TXNDC16: variants seen among roughly 807,000 people sequenced by gnomAD.
The protein encoded by TXNDC16 is thioredoxin domain-containing protein 16.
TXNDC16 carries 74 observed loss-of-function variants against 85.6 expected under a neutral mutation model. That is an observed-to-expected ratio of 0.86 (90% CI 0.72 to 1.05). TXNDC16 has a LOEUF of 1.05. Ranked by LOEUF, TXNDC16 falls within the 50% of genes least tolerant of loss-of-function variation. The pLI is 0.00. For missense variants in TXNDC16, 959 were observed against 947.0 expected, an observed-to-expected ratio of 1.01 and a Z score of -0.17; for synonymous variants, 335 against 326.5, an observed-to-expected ratio of 1.03 and a Z score of -0.28.
At chr14:52,456,943 A>T (rs527796515) in intron 17 of TXNDC16, 147 bp downstream of exon 17, 6 of 563,008 alleles carry the variant, frequency 1.1e-5, no homozygotes, top group Non-Finnish European at 1.5e-5. Flanking sequence ...TTTCCCAGGT[A>T]CTTTATTTCC....
intron 8 of TXNDC16, 97 bp downstream of exon 8, chr14:52,514,783 A>T (rs1366078561): frequency 5.9e-6 from 5 of 849,118 alleles, no homozygotes; most frequent in African/African-American, 1.7e-5. Context: ...ATCTAAGCCC[A>T]TGCTGTGGGA....
chr14:52,451,996 G>A (rs1164968512), intron 18 of TXNDC16, among the ~76,000 whole-genome samples: 2 of 152,046 alleles, frequency 1.3e-5, no homozygotes, highest in Admixed American at 1.3e-4. Context: ...AAAGTTGCAA[G>A]ACAAATCAAA....
chr14:52,506,328 A>C (rs2036799072), intron 9 of TXNDC16, among the ~76,000 whole-genome samples: 1 of 152,172 alleles, frequency 6.6e-6, no homozygotes, highest in Non-Finnish European at 1.5e-5. Context: ...ATCCTCAATA[A>C]AATACTGGCA....
At chr14:52,549,771 A>G (rs945742960) in intron 1 of TXNDC16, among the ~76,000 whole-genome samples, 5 of 151,732 alleles carry the variant, frequency 3.3e-5, no homozygotes, top group South Asian at 4.2e-4. Flanking sequence ...CCAAGTAGCT[A>G]GGACTACAGG....
intron 18 of TXNDC16, among the ~76,000 whole-genome samples, chr14:52,449,291 A>G (rs2035354939): frequency 1.3e-5 from 2 of 152,114 alleles, no homozygotes; most frequent in South Asian, 4.1e-4. Flanking sequence ...AAAGAGCAGG[A>G]GTCGTTATAC....
chr14:52,549,622 A>G (rs1436870313), intron 1 of TXNDC16, among the ~76,000 whole-genome samples: 1 of 147,712 alleles, frequency 6.8e-6, no homozygotes, highest in African/African-American at 2.5e-5. Context: ...ATTGACAAAC[A>G]GTTCTGATTT....
Position 52,511,251 on chromosome 14 carries a change from C to G in TXNDC16, c.745G>C (p.Ala249Pro). 6.4e-7 allele frequency: 1 copy of G among 1,569,882 alleles called. No homozygotes were observed. Among genetic ancestry groups the G allele is most frequent in the Non-Finnish European group, 8.7e-7 (1 of 1,154,206 alleles). Residue 249 changes from alanine (A) to proline (P), a missense_variant, in exon 9 of 21, where the codon GCA becomes CCA. Coordinates refer to ENST00000281741, the MANE Select transcript of TXNDC16 (RefSeq NM_020784.3). The stretch of plus-strand genomic sequence containing the variant: ...AATAAGACACATACCAACAGAGGTG[C>G]TTTCATTGTCTTAATAAACAGGTGA... ...NIHLFIKTMKAPLLTEVAEDP... is the reference protein window; with the variant it reads ...NIHLFIKTMKPPLLTEVAEDP...
chr14:52,461,815 G>A (rs2140122001), intron 16 of TXNDC16, among the ~76,000 whole-genome samples: 1 of 152,352 alleles, frequency 6.6e-6, no homozygotes, highest in South Asian at 2.1e-4. Flanking sequence ...GAATCTTGAA[G>A]CTCAAAACCA....
intron 6 of TXNDC16, among the ~76,000 whole-genome samples, chr14:52,530,002 A>C (rs1343334365): frequency 9.6e-6 from 1 of 104,100 alleles, no homozygotes; most frequent in East Asian, 2.9e-4. Context: ...TCATATATAT[A>C]ATATATATTA....
At chr14:52,452,917 A>G (rs1436815677) in intron 18 of TXNDC16, among the ~76,000 whole-genome samples, 1 of 152,180 alleles carries the variant, frequency 6.6e-6, no homozygotes, top group Non-Finnish European at 1.5e-5. Context: ...GGGAGAAAAT[A>G]TCTGCAAACT....
chr14:52,455,447 A>G lies in TXNDC16; in HGVS notation c.1719T>C (p.Ala573=). The stretch of plus-strand genomic sequence containing the variant: ...CAAGCAGCAGGGCTGGAAGACTTGC[A>G]GCATATTTGGTTGACCTATGGAGAA... The part of the protein sequence containing the change: ...EDVLLLSTKY[A]ASLPALLLAR... The change falls in exon 18 of 21, where the codon GCT becomes GCC. Residue 573 remains alanine (A), a synonymous_variant. Coordinates refer to ENST00000281741, the MANE Select transcript of TXNDC16 (RefSeq NM_020784.3). The G allele has an allele frequency of 1.2e-6, 2 of 1,613,990 alleles. No individual in the cohort carries two copies. The highest frequency in any genetic ancestry group is 1.7e-6 in the Non-Finnish European group (2 of 1,179,914).
intron 6 of TXNDC16, among the ~76,000 whole-genome samples, chr14:52,524,392 G>A (rs966135957): frequency 1.3e-5 from 2 of 152,216 alleles, no homozygotes; most frequent in Non-Finnish European, 2.9e-5. Flanking sequence ...GTCACAAGAA[G>A]TAGTACCATA....
intron 9 of TXNDC16, among the ~76,000 whole-genome samples, chr14:52,502,870 C>G (rs1352088815): frequency 6.6e-6 from 1 of 152,194 alleles, no homozygotes. Context: ...TGGGTCACTC[C>G]CACCCTAACA....
At chr14:52,549,563 G>C (rs74050907) in intron 1 of TXNDC16, among the ~76,000 whole-genome samples, 6,952 of 151,780 alleles carry the variant, frequency 0.046, 373 homozygotes, top group East Asian at 0.16. Flanking sequence ...GGTAGCCCTC[G>C]TTAGCTCCAC....
chr14:52,530,311 A>T (rs2037489697), intron 6 of TXNDC16, among the ~76,000 whole-genome samples: 6 of 50,948 alleles, frequency 1.2e-4, no homozygotes, highest in South Asian at 1.9e-3. Flanking sequence ...ATTAATATAT[A>T]ATATATAATT....
At chr14:52,483,955 C>A (rs1042102251) in intron 12 of TXNDC16, among the ~76,000 whole-genome samples, 3 of 152,076 alleles carry the variant, frequency 2.0e-5, no homozygotes, top group African/African-American at 7.2e-5. Flanking sequence ...AGAAGAAAGG[C>A]AGTGGTGGCA....
In TXNDC16 at chr14:52,441,329, C is replaced by T. The variant is rs577237459; in HGVS notation, c.1843-605G>A. ...TTATTACTAATTAAAAGATAGGAGGCTGGGAGTGATGGCTCACGCCTGTAA... is the reference window on the plus strand; with the variant it reads ...TTATTACTAATTAAAAGATAGGAGGTTGGGAGTGATGGCTCACGCCTGTAA... On this transcript the variant is annotated intron_variant, in intron 18 of 20. Transcript: ENST00000281741. Among the ~76,000 whole-genome samples the T allele has an allele frequency of 3.9e-5, 6 of 152,232 alleles. No individual in the cohort carries two copies. In the South Asian group the frequency reaches 1.2e-3, roughly 32 times the overall value.
intron 6 of TXNDC16, among the ~76,000 whole-genome samples, chr14:52,519,628 C>A (rs1411420855): frequency 6.6e-6 from 1 of 152,212 alleles, no homozygotes; most frequent in Non-Finnish European, 1.5e-5. Context: ...CCTTCACAAA[C>A]CTAAACAGCA....
chr14:52,479,544 G>C (rs990094113), intron 14 of TXNDC16, among the ~76,000 whole-genome samples: 1 of 150,274 alleles, frequency 6.7e-6, no homozygotes, highest in Admixed American at 6.6e-5. Flanking sequence ...ATCAAGTCTA[G>C]AATTCAACCC....
Sources: allele counts gnomAD v4.1 joint callset (sites outside exome capture counted in the v4.1 genomes callset), GRCh38; gene constraint gnomAD v4.1.1; transcripts MANE v1.5; gene names NCBI Gene and HGNC (gene_info 2026-07-23, HGNC 2026-07-21).